FRRS1: variants seen among roughly 807,000 people sequenced by gnomAD.
The protein encoded by FRRS1 is ferric chelate reductase 1, also known as ferric reductase 1.
Under a neutral mutation model 70.7 loss-of-function variants are expected in FRRS1, and 51 were observed. The ratio of observed to expected loss-of-function variants is 0.72; its 90% CI spans 0.58 to 0.91. The LOEUF is 0.91. Ranked by LOEUF, FRRS1 falls within the 40% of genes least tolerant of loss-of-function variation. The probability of loss-of-function intolerance (pLI) is 0.00; values close to 1 mark genes in which losing one functional copy is unlikely to be tolerated. For synonymous variants in FRRS1, 225 were observed against 238.7 expected, an observed-to-expected ratio of 0.94 and a Z score of 0.53; for missense variants, 672 against 726.0, an observed-to-expected ratio of 0.93 and a Z score of 0.86.
At chr1:99,735,434 T>C (rs1031591823) in intron 7 of FRRS1, among the ~76,000 whole-genome samples, 2 of 152,184 alleles carry the variant, frequency 1.3e-5, no homozygotes, top group Admixed American at 1.3e-4. Flanking sequence ...CGAATGAGTA[T>C]TCGTGACATC....
chr1:99,734,816 T>A (rs924476100), intron 7 of FRRS1, among the ~76,000 whole-genome samples: 3 of 152,096 alleles, frequency 2.0e-5, no homozygotes, highest in Non-Finnish European at 2.9e-5. Context: ...CTTTTAGATG[T>A]TGCTTTGTGC....
intron 7 of FRRS1, among the ~76,000 whole-genome samples, chr1:99,736,810 A>AT (rs5776489): frequency 0.49 from 71,731 of 147,458 alleles, 21,315 homozygotes; most frequent in African/African-American, 0.84. Flanking sequence ...ATAAAAAAGA[A>AT]TAAAAAAAAG....
At chr1:99,726,161 A>C (rs1655071082) in intron 9 of FRRS1, among the ~76,000 whole-genome samples, 1 of 151,968 alleles carries the variant, frequency 6.6e-6, no homozygotes, top group Admixed American at 6.6e-5. Context: ...GTTGTTTAAA[A>C]ACGTGTGGCA....
chr1:99,738,770 TG>T (rs1268737618), intron 6 of FRRS1, among the ~76,000 whole-genome samples: 1 of 152,216 alleles, frequency 6.6e-6, no homozygotes, highest in East Asian at 1.9e-4. Flanking sequence ...TCTAGAATTC[TG>T]ATTCAAATTT....
chr1:99,761,033 A>T (rs913746831), intron 1 of FRRS1, among the ~76,000 whole-genome samples: 2 of 152,186 alleles, frequency 1.3e-5, no homozygotes, highest in Non-Finnish European at 2.9e-5. Context: ...AAACACTGGG[A>T]AAACAAAGTA....
At chr1:99,765,399 C>G (rs1443291023) in intron 1 of FRRS1, 2 of 148,730 alleles carry the variant, frequency 1.3e-5, no homozygotes, top group African/African-American at 2.5e-5. Context: ...GCTGGGAGTT[C>G]GAAACCAGAC....
intron 1 of FRRS1, among the ~76,000 whole-genome samples, chr1:99,760,716 C>T (rs892253363): frequency 6.6e-6 from 1 of 152,108 alleles, no homozygotes; most frequent in Non-Finnish European, 1.5e-5. Context: ...ATGGTGTGAT[C>T]TTAGCTCACT....
chr1:99,714,188 T>G (rs934103322), intron 12 of FRRS1, among the ~76,000 whole-genome samples: 1 of 150,532 alleles, frequency 6.6e-6, no homozygotes. Context: ...TGGTTTACTT[T>G]TTTTTTTTTT....
At chr1:99,747,551 C>A in intron 3 of FRRS1, 121 bp from the exon 4 acceptor site, 3 of 918,288 alleles carry the variant, frequency 3.3e-6, no homozygotes, top group Admixed American at 5.6e-5. Flanking sequence ...GGAGAGAAAA[C>A]AGTCATCTTA....
Position 99,742,191 on chromosome 1 carries a change from T to C in FRRS1, c.416A>G (p.His139Arg). Reference protein sequence around the residue: ...YWNAPSSAPNHTQFLVTVVEK... With the variant: ...YWNAPSSAPNRTQFLVTVVEK... The stretch of plus-strand genomic sequence containing the variant: ...CTCTTATACTCACAGAAACTGTGTG[T>C]GATTTGGAGCACTGCTTGGAGCATT... The change falls in exon 5 of 17, where the codon CAC becomes CGC. Residue 139 changes from histidine (H) to arginine (R), a missense_variant. His to Arg is a conservative substitution (Grantham distance 29). Coordinates refer to ENST00000646001, the MANE Select transcript of FRRS1 (RefSeq NM_001361041.2). The C allele has an allele frequency of 6.2e-7, 1 of 1,602,848 alleles. No homozygotes were observed. Among genetic ancestry groups the C allele is most frequent in the East Asian group, 2.2e-5 (1 of 44,830 alleles).
intron 1 of FRRS1, among the ~76,000 whole-genome samples, chr1:99,754,247 CAT>C (rs372202645): frequency 1.3e-5 from 2 of 152,286 alleles, no homozygotes; most frequent in East Asian, 3.9e-4. Flanking sequence ...GGGAAGATCA[CAT>C]GAGGCCAGGA....
chr1:99,724,431 C>G (rs12126353), intron 9 of FRRS1, among the ~76,000 whole-genome samples: 15,850 of 152,142 alleles, frequency 0.1, 1,536 homozygotes, highest in African/African-American at 0.26. Context: ...CTGCTTATCC[C>G]AAGACAGGAC....
Position 99,708,312 on chromosome 1 carries a change from AC to A in FRRS1, c.*715del, listed in dbSNP as rs1226714431. On this transcript the variant is annotated 3_prime_UTR_variant, in exon 17 of 17. Coordinates refer to ENST00000646001, the MANE Select transcript of FRRS1 (RefSeq NM_001361041.2). ...CACCTTTGTAGTTCAAAATATATTT[AC>A]CATAGGCTGGGCGTGGTGGCTCACG... 7.9e-5 allele frequency among the ~76,000 whole-genome samples: 12 copies of A among 152,102 alleles called. No individual in the cohort carries two copies. The highest frequency in any genetic ancestry group is 4.4e-5 in the Non-Finnish European group (3 of 68,002).
chr1:99,758,785 C>A (rs1002662863), intron 1 of FRRS1, among the ~76,000 whole-genome samples: 1 of 152,092 alleles, frequency 6.6e-6, no homozygotes, highest in African/African-American at 2.4e-5. Context: ...GGGAAGATAT[C>A]GCTAAATTCT....
chr1:99,710,398 T>C (rs923838254), intron 15 of FRRS1, among the ~76,000 whole-genome samples: 1 of 152,174 alleles, frequency 6.6e-6, no homozygotes, highest in African/African-American at 2.4e-5. Flanking sequence ...ACAACCTAAA[T>C]GATAGCACCC....
At chr1:99,762,046 A>G (rs1054823412) in intron 1 of FRRS1, among the ~76,000 whole-genome samples, 1 of 152,212 alleles carries the variant, frequency 6.6e-6, no homozygotes, top group Non-Finnish European at 1.5e-5. Flanking sequence ...AGAGGTGAAA[A>G]GTATGGTCTC....
At chr1:99,709,967 C>CAAA (rs1232272018) in intron 15 of FRRS1, among the ~76,000 whole-genome samples, 2 of 151,832 alleles carry the variant, frequency 1.3e-5, no homozygotes, top group Non-Finnish European at 2.9e-5. Flanking sequence ...GACTCTGTCT[C>CAAA]AAAACAAACA....
rs771202131 is a variant in FRRS1, at chr1:99,740,801, T to C, written c.568A>G (p.Thr190Ala). 1 of 1,608,754 alleles carries C rather than the reference T, an allele frequency of 6.2e-7. No individual in the cohort carries two copies. The highest frequency in any genetic ancestry group is 1.1e-5 in the South Asian group (1 of 90,974). Residue 190 changes from threonine (T) to alanine (A), a missense_variant, in exon 6 of 17, where the codon ACC becomes GCC. Transcript: ENST00000646001. ...ATAAAATTGTTACTTACTGGTTTGG[T>C]TAAGTGGGAAACGGGAGGTAACGTT... ...LPTLPPVSHL[T>A]KPFSASDCGN...
Position 99,705,302 on chromosome 1 carries a change from T to A in FRRS1, c.*3726A>T, listed in dbSNP as rs1203682155. ...GAAGGGCATTCCAGGCTGGTAACCA[T>A]CTGTGACCTGGGTGCAGAGATGAGC... On this transcript the variant is annotated 3_prime_UTR_variant, in exon 17 of 17. Coordinates refer to ENST00000646001, the MANE Select transcript of FRRS1 (RefSeq NM_001361041.2). Among the ~76,000 whole-genome samples the A allele has an allele frequency of 6.6e-6, 1 of 152,096 alleles. No individual in the cohort carries two copies. The highest frequency in any genetic ancestry group is 1.5e-5 in the Non-Finnish European group (1 of 68,016).
Sources: gnomAD v4.1 joint callset for allele counts (sites outside exome capture counted in the v4.1 genomes callset) on GRCh38, gnomAD v4.1.1 for gene constraint, MANE v1.5 for transcripts, NCBI Gene and HGNC (gene_info 2026-07-23, HGNC 2026-07-21) for gene names.